The following NAV3 variants were observed in gnomAD, a reference collection of about 807,000 sequenced individuals.
NAV3 encodes pore membrane and/or filament interacting like protein 1.
NAV3 carries 87 observed loss-of-function variants against 244.7 expected under a neutral mutation model. The observed-to-expected ratio is 0.36, with a 90% confidence interval of 0.30 to 0.42. The LOEUF is 0.42. Ranked by LOEUF, NAV3 falls within the 20% of genes least tolerant of loss-of-function variation. The pLI is 1.00. For synonymous variants in NAV3, 1,126 were observed against 1,042.2 expected (o/e 1.08, Z -1.55); for missense variants, 2,663 against 2,893.3 (o/e 0.92, Z 1.83).
At chr12:77,853,509 CTTGT>C (rs1186070784) in intron 1 of NAV3, among the ~76,000 whole-genome samples, 3 of 152,152 alleles carry the variant, frequency 2.0e-5, no homozygotes, top group Non-Finnish European at 2.9e-5. Flanking sequence ...CAATTTTTAT[CTTGT>C]TTAAGAAACT....
intron 3 of NAV3, among the ~76,000 whole-genome samples, chr12:77,954,315 C>T (rs1227679110): frequency 2.0e-5 from 3 of 152,124 alleles, no homozygotes; most frequent in Non-Finnish European, 4.4e-5. Context: ...TAGCCATCTG[C>T]CAGTTGTGTA....
In NAV3 at chr12:77,962,913, C is replaced by A. The variant is rs576819128; in HGVS notation, c.415-3316C>A. Reference sequence around the variant, plus strand: ...GTTGTGCTATTCAATTTATTTCTTGCTGTGGGTCACAGTCAATATTTTAGA... The same window carrying A: ...GTTGTGCTATTCAATTTATTTCTTGATGTGGGTCACAGTCAATATTTTAGA... On this transcript the variant is annotated intron_variant, in intron 3 of 39. Coordinates refer to ENST00000397909, the MANE Select transcript of NAV3 (RefSeq NM_001024383.2). Among the ~76,000 whole-genome samples, 6 of 152,216 alleles carry A rather than the reference C, an allele frequency of 3.9e-5. No homozygotes were observed. In the South Asian group the frequency reaches 1.2e-3, roughly 32 times the overall value.
intron 38 of NAV3, among the ~76,000 whole-genome samples, chr12:78,202,203 G>A (rs1959786007): frequency 6.6e-6 from 1 of 151,866 alleles, no homozygotes; most frequent in South Asian, 2.1e-4. Context: ...ATATACATTG[G>A]ATCTTTCAAT....
At chr12:77,770,020 T>G (rs535303981) in intron 2 of NAV3, among the ~76,000 whole-genome samples, 44 of 152,320 alleles carry the variant, frequency 2.9e-4, no homozygotes, top group African/African-American at 1.0e-3. Flanking sequence ...ATAAGTAAGA[T>G]GAAAGGAATA....
chr12:77,646,314 G>A (rs1313051750), intron 2 of NAV3, among the ~76,000 whole-genome samples: 3 of 152,306 alleles, frequency 2.0e-5, no homozygotes, highest in African/African-American at 7.2e-5. Context: ...GGTGAAAAGA[G>A]TGAAACCTGT....
Position 77,795,725 on chromosome 12 carries a change from A to G in NAV3, c.73-144594A>G, listed in dbSNP as rs533029102. Among the ~76,000 whole-genome samples, 37 of 152,244 alleles carry G rather than the reference A, an allele frequency of 2.4e-4. 1 individual carries two copies. The South Asian group carries it at 7.7e-3, about 32-fold the overall frequency. ...CTAACGTTAAGGGCTGATGTAGCTGATGAGTTTAAGTTGAAGTCAATGCTC... is the reference window on the plus strand; with the variant it reads ...CTAACGTTAAGGGCTGATGTAGCTGGTGAGTTTAAGTTGAAGTCAATGCTC... On this transcript the variant is annotated intron_variant, in intron 2 of 8. Transcript: ENST00000550042.
At chr12:78,108,114 A>T (rs1021590992) in intron 12 of NAV3, among the ~76,000 whole-genome samples, 1 of 152,164 alleles carries the variant, frequency 6.6e-6, no homozygotes, top group African/African-American at 2.4e-5. Context: ...ATGGTAAAAG[A>T]TATTCCTTGC....
intron 2 of NAV3, among the ~76,000 whole-genome samples, chr12:77,607,530 A>G (rs1159945139): frequency 6.6e-6 from 1 of 152,102 alleles, no homozygotes; most frequent in Non-Finnish European, 1.5e-5. Flanking sequence ...GTGCATTTAC[A>G]TTTTGAAAGG....
In NAV3 at chr12:78,179,500, C is replaced by A. The variant is rs749270454; in HGVS notation, c.5364-29C>A. ...TTCTTAATCCTCTGGCTTCCCCAGG[C>A]CACTGATTCTGTTTGTTTCCTTCTT... On this transcript the variant is annotated intron_variant, in intron 28 of 39. Transcript: ENST00000397909. The A allele has an allele frequency of 1.9e-6, 3 of 1,612,196 alleles. No homozygotes were observed. The Admixed American group carries it at 5.0e-5, about 27-fold the overall frequency.
intron 2 of NAV3, among the ~76,000 whole-genome samples, chr12:77,677,342 A>T (rs925775256): frequency 3.3e-5 from 5 of 152,242 alleles, no homozygotes; most frequent in Non-Finnish European, 7.3e-5. Context: ...TAGATGAAAA[A>T]ATGGAATGTC....
chr12:77,579,582 A>T (rs949282572), intron 2 of NAV3, among the ~76,000 whole-genome samples: 1 of 152,214 alleles, frequency 6.6e-6, no homozygotes, highest in African/African-American at 2.4e-5. Flanking sequence ...CCCTCAGTAC[A>T]TAATTACCTC....
chr12:77,926,615 G>A (rs1268965479), intron 1 of NAV3, among the ~76,000 whole-genome samples: 1 of 152,160 alleles, frequency 6.6e-6, no homozygotes, highest in Non-Finnish European at 1.5e-5. Flanking sequence ...TGTAATTTGT[G>A]AACAGCATTC....
At chr12:77,944,117 A>T (rs1890115026) in intron 3 of NAV3, among the ~76,000 whole-genome samples, 1 of 152,192 alleles carries the variant, frequency 6.6e-6, no homozygotes, top group Admixed American at 6.6e-5. Flanking sequence ...CTGAGAATGG[A>T]GTAAGTTTGG....
intron 22 of NAV3, among the ~76,000 whole-genome samples, chr12:78,157,051 A>T (rs1392660961): frequency 6.6e-6 from 1 of 152,134 alleles, no homozygotes; most frequent in Non-Finnish European, 1.5e-5. Flanking sequence ...CAAGAAAATA[A>T]TTACCACAGA....
chr12:78,014,359 C>T (rs1297878512), intron 8 of NAV3, among the ~76,000 whole-genome samples: 1 of 152,014 alleles, frequency 6.6e-6, no homozygotes. Flanking sequence ...AGAAAAATAC[C>T]TAACCCTTAG....
At chr12:77,851,928 C>T (rs906294437) in intron 1 of NAV3, among the ~76,000 whole-genome samples, 6 of 152,082 alleles carry the variant, frequency 3.9e-5, no homozygotes, top group African/African-American at 1.2e-4. Flanking sequence ...TGTGTACTAC[C>T]GTTATCTTCA....
chr12:77,615,798 G>T (rs1565738000), intron 2 of NAV3, among the ~76,000 whole-genome samples: 1 of 152,176 alleles, frequency 6.6e-6, no homozygotes, highest in South Asian at 2.1e-4. Context: ...TTCAATTAGG[G>T]CACAGACAAA....
intron 2 of NAV3, among the ~76,000 whole-genome samples, chr12:77,643,755 TCC>T (rs1329649945): frequency 6.6e-6 from 1 of 152,030 alleles, no homozygotes; most frequent in Non-Finnish European, 1.5e-5. Context: ...TTAACCATTG[TCC>T]CAAGTTACAT....
At chr12:77,970,001 T>G (rs1892863713) in intron 5 of NAV3, among the ~76,000 whole-genome samples, 1 of 152,340 alleles carries the variant, frequency 6.6e-6, no homozygotes, top group African/African-American at 2.4e-5. Context: ...TAATTTAGAC[T>G]ATAGTCTAAC....
Sources: gnomAD v4.1 joint callset for allele counts (sites outside exome capture counted in the v4.1 genomes callset) on GRCh38, gnomAD v4.1.1 for gene constraint, MANE v1.5 for transcripts, NCBI Gene and HGNC (gene_info 2026-07-23, HGNC 2026-07-21) for gene names.